IMPACT: variants seen among roughly 807,000 people sequenced by gnomAD.
The protein encoded by IMPACT is protein IMPACT.
A neutral mutation model predicts 47.5 loss-of-function variants in IMPACT; 35 were observed. The ratio of observed to expected loss-of-function variants is 0.74; its 90% CI spans 0.56 to 0.98. IMPACT has a LOEUF of 0.98. Ranked by LOEUF, IMPACT falls within the 50% of genes least tolerant of loss-of-function variation. The pLI is 0.00. For synonymous variants in IMPACT, 118 were observed against 125.6 expected, an observed-to-expected ratio of 0.94 and a Z score of 0.40; for missense variants, 373 against 394.8, an observed-to-expected ratio of 0.94 and a Z score of 0.47.
chr18:24,444,940 T>C (rs947133833), intron 7 of IMPACT, among the ~76,000 whole-genome samples: 13 of 152,246 alleles, frequency 8.5e-5, no homozygotes, highest in South Asian at 2.1e-4. Flanking sequence ...CTGCCACTTA[T>C]AAGACCTGGC....
At chr18:24,450,293 A>G (rs890386186) in intron 10 of IMPACT, among the ~76,000 whole-genome samples, 5 of 152,200 alleles carry the variant, frequency 3.3e-5, no homozygotes, top group African/African-American at 9.7e-5. Context: ...TGTAGCTGAT[A>G]TCACATCAGA....
intron 10 of IMPACT, among the ~76,000 whole-genome samples, chr18:24,450,177 C>T (rs918192085): frequency 1.3e-5 from 2 of 152,124 alleles, no homozygotes; most frequent in African/African-American, 4.8e-5. Context: ...GGACAGACCA[C>T]TTCATCCCTT....
intron 9 of IMPACT, among the ~76,000 whole-genome samples, chr18:24,448,482 C>CT (rs1411622461): frequency 6.6e-6 from 1 of 151,712 alleles, no homozygotes; most frequent in African/African-American, 2.4e-5. Flanking sequence ...TTTATTTTTT[C>CT]TATTCTTTCT....
chr18:24,429,329 C>T (rs1159874803), intron 3 of IMPACT, among the ~76,000 whole-genome samples: 1 of 152,168 alleles, frequency 6.6e-6, no homozygotes, highest in East Asian at 1.9e-4. Flanking sequence ...TGGTGTTTCT[C>T]CCTGCCCCTT....
chr18:24,439,755 C>T (rs1048143519), intron 5 of IMPACT: 67 of 152,458 alleles, frequency 4.4e-4, no homozygotes, highest in Non-Finnish European at 2.6e-4. Context: ...GAGGTTGCAG[C>T]GAGCTGAGAT....
Position 24,440,777 on chromosome 18 carries a change from T to C in IMPACT, c.490+159T>C, listed in dbSNP as rs927689011. On this transcript the variant is annotated intron_variant, in intron 6 of 10. Transcript: ENST00000284202. Reference sequence around the variant, plus strand: ...ATTTTTTCCTGCCTGTTGGCAATTTTGGTGTTTGCCAAGTCTTATCAGAAT... The same window carrying C: ...ATTTTTTCCTGCCTGTTGGCAATTTCGGTGTTTGCCAAGTCTTATCAGAAT... Among the ~76,000 whole-genome samples the C allele has an allele frequency of 3.9e-4, 60 of 152,356 alleles. 2 individuals carry two copies. Among genetic ancestry groups the C allele is most frequent in the Middle Eastern group, 6.8e-3 (2 of 294 alleles).
intron 4 of IMPACT, among the ~76,000 whole-genome samples, chr18:24,436,653 A>G (rs1198037798): frequency 6.6e-6 from 1 of 151,774 alleles, no homozygotes; most frequent in East Asian, 1.9e-4. Flanking sequence ...GGTTCAAGCA[A>G]TCCTCCCACC....
chr18:24,427,806 A>G (rs993380104), intron 1 of IMPACT, 113 bp from the exon 2 acceptor site: 1 of 1,016,994 alleles, frequency 9.8e-7, no homozygotes, highest in African/African-American at 1.7e-5. Context: ...AGGCTCATCT[A>G]GGAATTTTTG....
In IMPACT at chr18:24,440,551, C is replaced by T; in HGVS notation, c.423C>T (p.Leu141=). The T allele has an allele frequency of 3.1e-6, 5 of 1,613,278 alleles. No homozygotes were observed. Among genetic ancestry groups the T allele is most frequent in the African/African-American group, 1.3e-5 (1 of 75,022 alleles). The stretch of plus-strand genomic sequence containing the variant: ...AAGATGTTGAATGTGAAGATGATCT[C>T]ATTTTAGCATGTCAGCCGGAAAGTT... ...EEEDVECEDD[L]ILACQPESSL... Residue 141 remains leucine (L), a synonymous_variant, in exon 6 of 11, where the codon CTC becomes CTT. Transcript: ENST00000284202.
chr18:24,426,805 C>A lies in IMPACT; in HGVS notation c.36+13C>A. 8.1e-7 allele frequency: 1 copy of A among 1,237,892 alleles called. No individual in the cohort carries two copies. 76.7% of individuals were successfully genotyped at this position (1,237,892 alleles called of 1,614,324 possible). A position where few individuals can be genotyped will look rare whatever the true frequency, so the allele number is the denominator to read the frequency against. On this transcript the variant is annotated intron_variant, in intron 1 of 10. Coordinates refer to ENST00000284202, the MANE Select transcript of IMPACT (RefSeq NM_018439.4). ...CGACCAGAGGCAGGTGAGGCCCCGGCGGGGTGCTGTCTCTCCAGGCTCGGC... is the reference window on the plus strand; with the variant it reads ...CGACCAGAGGCAGGTGAGGCCCCGGAGGGGTGCTGTCTCTCCAGGCTCGGC...
Position 24,449,840 on chromosome 18 carries a change from A to C in IMPACT, c.781A>C (p.Met261Leu), listed in dbSNP as rs756315103. The C allele has an allele frequency of 2.5e-6, 4 of 1,612,862 alleles. No homozygotes were observed. The highest frequency in any genetic ancestry group is 3.4e-6 in the Non-Finnish European group (4 of 1,179,452). Residue 261 changes from methionine (M) to leucine (L), a missense_variant, in exon 10 of 11, where the codon ATG becomes CTG. Transcript: ENST00000284202. ...ACAGATTTTGAATGTGAAGAATGTC[A>C]TGGTGGTAGTATCACGCTGGTATGG... ...LMEILNVKNV[M>L]VVVSRWYGGI...
At chr18:24,440,153 AT>A (rs370828964) in intron 5 of IMPACT, among the ~76,000 whole-genome samples, 31,646 of 152,136 alleles carry the variant, frequency 0.21, 4,153 homozygotes, top group Middle Eastern at 0.35. Context: ...ACTCATGTAT[AT>A]TATTTCAGTC....
At chr18:24,436,772 A>G (rs908772381) in intron 4 of IMPACT, among the ~76,000 whole-genome samples, 1 of 152,046 alleles carries the variant, frequency 6.6e-6, no homozygotes, top group Non-Finnish European at 1.5e-5. Flanking sequence ...GCTGGTCTCG[A>G]ACTCTTGAGC....
chr18:24,434,776 A>AAAATATATATATAT lies in IMPACT; in HGVS notation c.282-3178_282-3177insAATATATATATATA, dbSNP rs1164402384. On this transcript the variant is annotated intron_variant, in intron 4 of 10. Coordinates refer to ENST00000284202, the MANE Select transcript of IMPACT (RefSeq NM_018439.4). ...AAAACTCTGTCTCAAAAAAAAAAAA[A>AAAATATATATATAT]ATATATATATATATATATATGTGTG... Among the ~76,000 whole-genome samples the AAAATATATATATAT allele has an allele frequency of 4.5e-4, 51 of 113,998 alleles. 4 individuals are homozygous for AAAATATATATATAT. In the East Asian group the frequency reaches 0.011, roughly 24 times the overall value. The allele number at this position is 113,998 out of a possible 152,430, so 74.8% of individuals were successfully genotyped here. A position where few individuals can be genotyped will look rare whatever the true frequency, so the allele number is the denominator to read the frequency against.
chr18:24,426,736 C>T lies in IMPACT; in HGVS notation c.-21C>T. ...CTCCGGACCTGGCAGGCGGCGGCTG[C>T]AGGGCAGGTCCAGGGGCCACATGGC... On this transcript the variant is annotated 5_prime_UTR_variant, in exon 1 of 11. Coordinates refer to ENST00000284202, the MANE Select transcript of IMPACT (RefSeq NM_018439.4). 1 of 1,246,154 alleles carries T rather than the reference C, an allele frequency of 8.0e-7. No individual in the cohort carries two copies. The highest frequency in any genetic ancestry group is 1.0e-6 in the Non-Finnish European group (1 of 994,514). The allele number at this position is 1,246,154 out of a possible 1,614,324, so 77.2% of individuals were successfully genotyped here.
At chr18:24,426,881 TG>T in intron 1 of IMPACT, 89 bp downstream of exon 1, 3 of 950,044 alleles carry the variant, frequency 3.2e-6, no homozygotes, top group East Asian at 3.3e-5. Context: ...GCCCTCCGCC[TG>T]GGGCCGCCCC....
chr18:24,432,713 A>C (rs1356486910), intron 4 of IMPACT, among the ~76,000 whole-genome samples: 3 of 150,352 alleles, frequency 2.0e-5, no homozygotes, highest in Non-Finnish European at 4.4e-5. Flanking sequence ...CCGATCCCCC[A>C]GTAGAATAAG....
chr18:24,440,647 A>G, intron 6 of IMPACT, 29 bp downstream of exon 6: 1 of 1,578,718 alleles, frequency 6.3e-7, no homozygotes, highest in Non-Finnish European at 8.6e-7. Context: ...ATTTCTTTTG[A>G]GGAGAGTGGG....
At chr18:24,428,258 A>C (rs1908664493) in intron 2 of IMPACT, among the ~76,000 whole-genome samples, 1 of 152,212 alleles carries the variant, frequency 6.6e-6, no homozygotes, top group African/African-American at 2.4e-5. Context: ...GCTTTTAATC[A>C]TTTAAAAGTG....
Sources: gnomAD v4.1 joint callset for allele counts (sites outside exome capture counted in the v4.1 genomes callset) on GRCh38, gnomAD v4.1.1 for gene constraint, MANE v1.5 for transcripts, NCBI Gene and HGNC (gene_info 2026-07-23, HGNC 2026-07-21) for gene names.